ZSWIM6: variants seen among roughly 807,000 people sequenced by gnomAD.
ZSWIM6 encodes the protein zinc finger SWIM-type containing 6.
In ZSWIM6, 9 loss-of-function variants were observed where a neutral mutation model predicts 113.2. That is an observed-to-expected ratio of 0.08 (90% CI 0.05 to 0.14). The LOEUF is 0.14. ZSWIM6 is among the 10% of genes least tolerant of loss of function. ZSWIM6 has a pLI of 1.00. For missense variants in ZSWIM6, 1,162 were observed against 1,552.2 expected, an observed-to-expected ratio of 0.75 and a Z score of 4.22; for synonymous variants, 611 against 606.5, an observed-to-expected ratio of 1.01 and a Z score of -0.11.
Position 61,390,530 on chromosome 5 carries a change from C to T in ZSWIM6, c.676+57582C>T, listed in dbSNP as rs563527817. ...TTTTCCGCTCCTCCTTGAATTTGCCCCTTGCTCTGGAGAGCCTACAAAAGT... is the reference window on the plus strand; with the variant it reads ...TTTTCCGCTCCTCCTTGAATTTGCCTCTTGCTCTGGAGAGCCTACAAAAGT... On this transcript the variant is annotated intron_variant, in intron 1 of 13. Coordinates refer to ENST00000252744, the MANE Select transcript of ZSWIM6 (RefSeq NM_020928.2). The T allele has an allele frequency of 1.1e-5, 5 of 453,270 alleles. No individual in the cohort carries two copies. In the East Asian group the frequency reaches 1.5e-4, roughly 13 times the overall value. 28.1% of individuals were successfully genotyped at this position (453,270 alleles called of 1,614,324 possible).
intron 1 of ZSWIM6, among the ~76,000 whole-genome samples, chr5:61,377,024 G>GT (rs200043838): frequency 1.3e-4 from 12 of 93,362 alleles, no homozygotes; most frequent in African/African-American, 5.7e-4. Flanking sequence ...TAAATGTAAT[G>GT]TTTAAAAAAA....
intron 1 of ZSWIM6, among the ~76,000 whole-genome samples, chr5:61,334,722 A>G (rs1400370846): frequency 6.6e-6 from 1 of 151,864 alleles, no homozygotes; most frequent in Non-Finnish European, 1.5e-5. Flanking sequence ...CTATTCATCT[A>G]TCCTTTTTTC....
chr5:61,450,225 C>T (rs1487430927), intron 1 of ZSWIM6, among the ~76,000 whole-genome samples: 1 of 152,064 alleles, frequency 6.6e-6, no homozygotes, highest in East Asian at 1.9e-4. Context: ...TTTTCCCCTC[C>T]AACAATCTGG....
At chr5:61,412,286 C>T (rs1746163469) in intron 1 of ZSWIM6, among the ~76,000 whole-genome samples, 1 of 152,144 alleles carries the variant, frequency 6.6e-6, no homozygotes, top group African/African-American at 2.4e-5. Context: ...TTGCAACTAC[C>T]ATAATTTAGA....
At chr5:61,461,698 A>G (rs1436310563) in intron 1 of ZSWIM6, among the ~76,000 whole-genome samples, 6 of 152,146 alleles carry the variant, frequency 3.9e-5, no homozygotes, top group South Asian at 4.1e-4. Flanking sequence ...TATTAAGTCA[A>G]ATTCTTCACT....
intron 4 of ZSWIM6, among the ~76,000 whole-genome samples, chr5:61,497,508 T>A (rs1378920381): frequency 2.0e-5 from 3 of 152,210 alleles, no homozygotes; most frequent in African/African-American, 7.2e-5. Context: ...TGACATTCAT[T>A]TGGTATGAGT....
rs79471660 is a variant in ZSWIM6, at chr5:61,532,183, T to C, written c.2245+458T>C. Among the ~76,000 whole-genome samples the C allele has an allele frequency of 6.7e-3, 1,018 of 152,318 alleles. 5 individuals are homozygous for C. The highest frequency in any genetic ancestry group is 0.021 in the South Asian group (102 of 4,826). On this transcript the variant is annotated intron_variant, in intron 9 of 13. Transcript: ENST00000252744. ...TTTTGAATGTGTCATACGCACACGC[T>C]AACAAACGACTGAGGGCTGTGCGAG...
chr5:61,460,525 G>A (rs565865356), intron 1 of ZSWIM6, among the ~76,000 whole-genome samples: 1 of 152,008 alleles, frequency 6.6e-6, no homozygotes, highest in South Asian at 2.1e-4. Context: ...TTCGGAAATG[G>A]GGTCTGTACT....
chr5:61,337,272 C>T (rs1744420079), intron 1 of ZSWIM6, among the ~76,000 whole-genome samples: 1 of 142,292 alleles, frequency 7.0e-6, no homozygotes, highest in Non-Finnish European at 1.5e-5. Context: ...GAGCGAGATT[C>T]CGTCTCCCCC....
At chr5:61,374,699 G>T (rs1040916460) in intron 1 of ZSWIM6, among the ~76,000 whole-genome samples, 2 of 152,008 alleles carry the variant, frequency 1.3e-5, no homozygotes, top group South Asian at 2.1e-4. Flanking sequence ...GACTACAGGC[G>T]CTCGCCACCA....
chr5:61,439,759 G>A (rs1401876841), intron 1 of ZSWIM6, among the ~76,000 whole-genome samples: 3 of 152,092 alleles, frequency 2.0e-5, no homozygotes, highest in African/African-American at 4.8e-5. Flanking sequence ...GAATGGAATC[G>A]TTGGGTCATA....
At chr5:61,505,667 C>T (rs966417510) in intron 4 of ZSWIM6, among the ~76,000 whole-genome samples, 34 of 96,770 alleles carry the variant, frequency 3.5e-4, no homozygotes, top group African/African-American at 1.2e-3. Context: ...TCCTTCCTTC[C>T]TTCCTTCTTT....
chr5:61,522,263 T>G (rs1394418504), intron 5 of ZSWIM6, among the ~76,000 whole-genome samples: 1 of 152,204 alleles, frequency 6.6e-6, no homozygotes, highest in Non-Finnish European at 1.5e-5. Flanking sequence ...AGTAATTATT[T>G]CTTGCCAATA....
intron 1 of ZSWIM6, among the ~76,000 whole-genome samples, chr5:61,356,481 G>A (rs1744908848): frequency 6.6e-6 from 1 of 151,326 alleles, no homozygotes; most frequent in African/African-American, 2.4e-5. Flanking sequence ...TACAATGAAT[G>A]CTATTAATGA....
chr5:61,445,672 A>G (rs891151671), intron 1 of ZSWIM6, among the ~76,000 whole-genome samples: 4 of 152,220 alleles, frequency 2.6e-5, no homozygotes, highest in African/African-American at 9.6e-5. Flanking sequence ...ACCAAATACA[A>G]TCCTTCCATT....
At chr5:61,468,863 C>A (rs1747499473) in intron 1 of ZSWIM6, among the ~76,000 whole-genome samples, 1 of 152,154 alleles carries the variant, frequency 6.6e-6, no homozygotes, top group Non-Finnish European at 1.5e-5. Flanking sequence ...TGAATTCCTG[C>A]ATATTGACTG....
rs146890044 is a variant in ZSWIM6, at chr5:61,349,469, T to A, written c.676+16521T>A. ...AGTTTCTAATTTCTATTTGATTTTC[T>A]GAATGTGAATTGCTGTGGCATAGTC... On this transcript the variant is annotated intron_variant, in intron 1 of 13. Transcript: ENST00000252744. 1.9e-3 allele frequency among the ~76,000 whole-genome samples: 288 copies of A among 152,374 alleles called. 1 individual carries two copies. Among genetic ancestry groups the A allele is most frequent in the African/African-American group, 6.8e-3 (282 of 41,596 alleles).
At chr5:61,393,106 C>G (rs369367959) in intron 1 of ZSWIM6, among the ~76,000 whole-genome samples, 2 of 152,054 alleles carry the variant, frequency 1.3e-5, no homozygotes, top group Admixed American at 6.5e-5. Context: ...GTGGTGCGAT[C>G]TTGGCTCACT....
Position 61,544,892 on chromosome 5 carries a change from C to G in ZSWIM6, c.*575C>G, listed in dbSNP as rs1050270439. 2 of 151,566 alleles carry G rather than the reference C, an allele frequency of 1.3e-5. No homozygotes were observed. The highest frequency in any genetic ancestry group is 4.9e-5 in the African/African-American group (2 of 41,188). 9.4% of individuals were successfully genotyped at this position (151,566 alleles called of 1,614,324 possible). ...GATGCTTGTGCATGTGGAAACTTAGCGACTGTCAACATACATTCTCAGGGA... is the reference window on the plus strand; with the variant it reads ...GATGCTTGTGCATGTGGAAACTTAGGGACTGTCAACATACATTCTCAGGGA... On this transcript the variant is annotated 3_prime_UTR_variant, in exon 14 of 14. Coordinates refer to ENST00000252744, the MANE Select transcript of ZSWIM6 (RefSeq NM_020928.2).
Sources: allele counts gnomAD v4.1 joint callset (sites outside exome capture counted in the v4.1 genomes callset), GRCh38; gene constraint gnomAD v4.1.1; transcripts MANE v1.5; gene names NCBI Gene and HGNC (gene_info 2026-07-23, HGNC 2026-07-21).